PWP1: variants seen among roughly 807,000 people sequenced by gnomAD.
The protein encoded by PWP1 is periodic tryptophan protein 1 homolog.
Under a neutral mutation model 69.9 loss-of-function variants are expected in PWP1, and 47 were observed. That is an observed-to-expected ratio of 0.67 (90% CI 0.53 to 0.86). The LOEUF (loss-of-function observed/expected upper bound fraction) is 0.86, where lower values mean the gene tolerates loss of function less well. Ranked by LOEUF, PWP1 falls within the 40% of genes least tolerant of loss-of-function variation. The pLI, the probability that PWP1 is intolerant of heterozygous loss-of-function variation, is 0.00. For missense variants in PWP1, 551 were observed against 608.8 expected (o/e 0.91, Z 1.00); for synonymous variants, 222 against 208.2 (o/e 1.07, Z -0.57).
intron 11 of PWP1, 141 bp downstream of exon 11, chr12:107,704,888 T>G (rs1050892801): frequency 1.8e-6 from 1 of 569,554 alleles, no homozygotes; most frequent in African/African-American, 1.9e-5. Flanking sequence ...GCATAAGGTG[T>G]TTTTTTTTAA....
At position 107,699,030 on chromosome 12, in the gene PWP1, G is replaced by A. The variant is rs745908678; in HGVS notation, c.745-343G>A. Among the ~76,000 whole-genome samples, 6 of 152,174 alleles carry A rather than the reference G, an allele frequency of 3.9e-5. No homozygotes were observed. In the South Asian group the frequency reaches 6.2e-4, roughly 16 times the overall value. On this transcript the variant is annotated intron_variant, in intron 7 of 14. Transcript: ENST00000412830. ...TGTAATCCCAACACTTTGGGAGGCC[G>A]AGAGTGGATCATGAGGTCAGGAGTT...
At chr12:107,686,068 G>C (rs1222226800) in intron 1 of PWP1, 97 bp downstream of exon 1, 1 of 1,366,874 alleles carries the variant, frequency 7.3e-7, no homozygotes, top group Non-Finnish European at 1.0e-6. Context: ...TCGGGGCGTT[G>C]GCTGGTGCGA....
chr12:107,697,656 G>GGGGT, intron 7 of PWP1, 59 bp downstream of exon 7: 1 of 1,495,760 alleles, frequency 6.7e-7, no homozygotes, highest in South Asian at 1.1e-5. Flanking sequence ...CTCGGGAGTA[G>GGGGT]GGGTGAAGGG....
rs1400955681 is a variant in PWP1, at chr12:107,710,399, C to G, written c.1291-6C>G. ...TGAAATCACCATCTTCCTGTTCTCT[C>G]TCTAGGGAGTTCTCTTCTGTTCTTC... On this transcript the variant is annotated splice_polypyrimidine_tract_variant and splice_region_variant and intron_variant, in intron 13 of 14. Coordinates refer to ENST00000412830, the MANE Select transcript of PWP1 (RefSeq NM_007062.3). 6.2e-7 allele frequency: 1 copy of G among 1,613,126 alleles called. No homozygotes were observed. Among genetic ancestry groups the G allele is most frequent in the East Asian group, 2.2e-5 (1 of 44,850 alleles).
intron 5 of PWP1, among the ~76,000 whole-genome samples, chr12:107,696,225 GT>G: frequency 6.6e-6 from 1 of 151,940 alleles, no homozygotes; most frequent in Middle Eastern, 3.4e-3. Flanking sequence ...TAGAGACGAG[GT>G]TTCATTGTGT....
In PWP1 at chr12:107,697,591, A is replaced by G. The variant is rs746321176; in HGVS notation, c.738A>G (p.Gly246=). 44 of 1,598,412 alleles carry G rather than the reference A, an allele frequency of 2.8e-5. No homozygotes were observed. In the African/African-American group the frequency reaches 5.4e-4, roughly 20 times the overall value. ...SKLSKKKKKK[G]KKSSSAEGHT... is the part of the protein sequence containing the mutation. ...TTTCAAAAAAGAAGAAAAAGAAAGG[A>G]AAGAAGGTAAAGAAGTTAATAAATA... The change falls in exon 7 of 15, where the codon GGA becomes GGG. Residue 246 remains glycine (G), a synonymous_variant. Coordinates refer to ENST00000412830, the MANE Select transcript of PWP1 (RefSeq NM_007062.3).
intron 7 of PWP1, among the ~76,000 whole-genome samples, chr12:107,698,794 T>C (rs1201523351): frequency 6.6e-6 from 1 of 152,168 alleles, no homozygotes; most frequent in East Asian, 1.9e-4. Flanking sequence ...AGTTTCGCTA[T>C]GTTGCCTGGG....
intron 8 of PWP1, among the ~76,000 whole-genome samples, chr12:107,700,593 C>A (rs911431516): frequency 6.6e-6 from 1 of 152,122 alleles, no homozygotes; most frequent in African/African-American, 2.4e-5. Flanking sequence ...TGGATTGCTT[C>A]TTCTGCCTTT....
intron 3 of PWP1, 126 bp from the exon 4 acceptor site, chr12:107,692,688 T>G: frequency 1.2e-6 from 1 of 803,300 alleles, no homozygotes; most frequent in Non-Finnish European, 1.9e-6. Context: ...CTTTCCCAAC[T>G]CTAGATGATC....
chr12:107,697,625 C>T (rs1218786911), intron 7 of PWP1, 28 bp downstream of exon 7: 1 of 1,583,794 alleles, frequency 6.3e-7, no homozygotes, highest in Non-Finnish European at 8.6e-7. Context: ...TATTTAAACT[C>T]TAATGACAGA....
Position 107,709,033 on chromosome 12 carries a change from C to T in PWP1, c.1168+17C>T. ...AAATCTCTGGTGAGCAAGAGTAATGCTTCTTTCATTTTTCTTAACTTATGA... is the reference window on the plus strand; with the variant it reads ...AAATCTCTGGTGAGCAAGAGTAATGTTTCTTTCATTTTTCTTAACTTATGA... On this transcript the variant is annotated intron_variant, in intron 12 of 14. Coordinates refer to ENST00000412830, the MANE Select transcript of PWP1 (RefSeq NM_007062.3). The T allele has an allele frequency of 1.2e-6, 2 of 1,613,378 alleles. No individual in the cohort carries two copies. Among genetic ancestry groups the T allele is most frequent in the Non-Finnish European group, 8.5e-7 (1 of 1,179,506 alleles).
chr12:107,696,804 C>T (rs1466201729), intron 6 of PWP1, among the ~76,000 whole-genome samples: 5 of 152,170 alleles, frequency 3.3e-5, no homozygotes, highest in African/African-American at 1.2e-4. Flanking sequence ...GGTAGCTGCT[C>T]TACTACAGGC....
At chr12:107,703,523 T>C (rs1183542024) in intron 9 of PWP1, among the ~76,000 whole-genome samples, 162 bp from the exon 10 acceptor site, 1 of 152,214 alleles carries the variant, frequency 6.6e-6, no homozygotes, top group African/African-American at 2.4e-5. Flanking sequence ...GGGAGCATGG[T>C]TTGCCCTTTG....
Position 107,712,821 on chromosome 12 carries a change from T to C in PWP1, c.*601T>C, listed in dbSNP as rs553143237. Reference sequence around the variant, plus strand: ...TTCATTCTCAAAACACTGAATGCCATTCTGTGCCTAGTGCTATACAAGGCA... The same window carrying C: ...TTCATTCTCAAAACACTGAATGCCACTCTGTGCCTAGTGCTATACAAGGCA... On this transcript the variant is annotated 3_prime_UTR_variant, in exon 15 of 15. Coordinates refer to ENST00000412830, the MANE Select transcript of PWP1 (RefSeq NM_007062.3). 1 of 152,494 alleles carries C rather than the reference T, an allele frequency of 6.6e-6. No individual in the cohort carries two copies. Among genetic ancestry groups the C allele is most frequent in the East Asian group, 1.9e-4 (1 of 5,188 alleles). The allele number at this position is 152,494 out of a possible 1,614,324, so 9.4% of individuals were successfully genotyped here.
intron 8 of PWP1, among the ~76,000 whole-genome samples, chr12:107,702,480 T>C (rs1352354131): frequency 1.3e-5 from 2 of 152,110 alleles, no homozygotes; most frequent in African/African-American, 4.8e-5. Flanking sequence ...GGTTTCACCA[T>C]GTTGGCCAGG....
intron 1 of PWP1, 59 bp downstream of exon 1, chr12:107,686,030 C>T: frequency 6.3e-7 from 1 of 1,574,814 alleles, no homozygotes; most frequent in Non-Finnish European, 8.7e-7. Context: ...TGGGGGTCCG[C>T]CCAGCTGGGG....
intron 8 of PWP1, among the ~76,000 whole-genome samples, chr12:107,701,390 G>C (rs1210248685): frequency 1.3e-5 from 2 of 152,138 alleles, no homozygotes; most frequent in Non-Finnish European, 2.9e-5. Context: ...CTTCTATTCT[G>C]TGGGTTGTTT....
At chr12:107,703,612 C>G (rs1889756476) in intron 9 of PWP1, 73 bp from the exon 10 acceptor site, 1 of 1,249,606 alleles carries the variant, frequency 8.0e-7, no homozygotes, top group East Asian at 2.3e-5. Flanking sequence ...CAAATAGATT[C>G]TTACCACATG....
chr12:107,699,582 T>A (rs995334897), intron 8 of PWP1, 148 bp downstream of exon 8: 26 of 647,520 alleles, frequency 4.0e-5, no homozygotes, highest in Non-Finnish European at 6.4e-5. Context: ...GCAGGAGCTC[T>A]GTCATCTGTT....
Sources: allele counts gnomAD v4.1 joint callset (sites outside exome capture counted in the v4.1 genomes callset), GRCh38; gene constraint gnomAD v4.1.1; transcripts MANE v1.5; gene names NCBI Gene and HGNC (gene_info 2026-07-23, HGNC 2026-07-21).